Variants in AGAP1 observed in about 807,000 individuals in gnomAD.
AGAP1 encodes arf-GAP with GTPase, ANK repeat and PH domain-containing protein 1.
A neutral mutation model predicts 105.3 loss-of-function variants in AGAP1; 29 were observed. The ratio of observed to expected loss-of-function variants is 0.28; its 90% CI spans 0.21 to 0.38. AGAP1 has a LOEUF of 0.38. Among genes scored for constraint, AGAP1 ranks in the 10% least tolerant of loss-of-function variants. AGAP1 has a pLI of 1.00. For missense variants in AGAP1, 998 were observed against 1,165.1 expected, an observed-to-expected ratio of 0.86 and a Z score of 2.09; for synonymous variants, 509 against 485.9, an observed-to-expected ratio of 1.05 and a Z score of -0.63.
chr2:236,054,660 G>A (rs547623442), intron 16 of AGAP1, among the ~76,000 whole-genome samples: 53 of 152,192 alleles, frequency 3.5e-4, no homozygotes, highest in African/African-American at 1.2e-3. Context: ...ACAAGCTACC[G>A]GCAGTGTCCA....
At chr2:235,819,751 G>A (rs569170927) in intron 9 of AGAP1, among the ~76,000 whole-genome samples, 6 of 152,014 alleles carry the variant, frequency 3.9e-5, no homozygotes, top group African/African-American at 9.6e-5. Context: ...CCTTTCCCAC[G>A]TGTTTCCGGA....
At position 235,612,044 on chromosome 2, in the gene AGAP1, C is replaced by T. The variant is rs145479495; in HGVS notation, c.164-97135C>T. Among the ~76,000 whole-genome samples the T allele has an allele frequency of 4.7e-4, 71 of 152,268 alleles. No homozygotes were observed. Among genetic ancestry groups the T allele is most frequent in the South Asian group, 3.1e-3 (15 of 4,828 alleles). On this transcript the variant is annotated intron_variant, in intron 1 of 17. Transcript: ENST00000304032. The surrounding 1 kb of genome is among the most constrained non-coding windows in gnomAD (Gnocchi z 4.3). Reference sequence around the variant, plus strand: ...ATAATTATGTAAAATCATTCCTGTCCGCAGCCTAGAGTCTCACTGGAGAAC... The same window carrying T: ...ATAATTATGTAAAATCATTCCTGTCTGCAGCCTAGAGTCTCACTGGAGAAC...
At position 235,665,656 on chromosome 2, in the gene AGAP1, G is replaced by A. The variant is rs1264372425; in HGVS notation, c.164-43523G>A. The stretch of plus-strand genomic sequence containing the variant: ...TCTTGGTAATTGCTTCTTCTTACAT[G>A]TATCTGTCAGTCAACTGGCTACCAG... On this transcript the variant is annotated intron_variant, in intron 1 of 17. Transcript: ENST00000304032. This position sits in a 1 kb window ranked among gnomAD's most constrained non-coding sequence, Gnocchi z 5.3. 2.6e-5 allele frequency among the ~76,000 whole-genome samples: 4 copies of A among 152,066 alleles called. No homozygotes were observed. The highest frequency in any genetic ancestry group is 6.6e-5 in the Admixed American group (1 of 15,254).
At chr2:235,502,105 G>A (rs886582703) in intron 1 of AGAP1, among the ~76,000 whole-genome samples, 1 of 152,206 alleles carries the variant, frequency 6.6e-6, no homozygotes, top group South Asian at 2.1e-4. Flanking sequence ...CATAGTGTGG[G>A]CTGTCTTTCC....
rs1950467329 is a variant in AGAP1 at position 235,705,004 on chromosome 2, A to T, written c.164-4175A>T. 1.8e-5 allele frequency among the ~76,000 whole-genome samples: 2 copies of T among 108,670 alleles called. No homozygotes were observed. Among genetic ancestry groups the T allele is most frequent in the African/African-American group, 3.6e-5 (1 of 27,686 alleles). The allele number at this position is 108,670 out of a possible 152,430, so 71.3% of individuals were successfully genotyped here. A position where few individuals can be genotyped will look rare whatever the true frequency, so the allele number is the denominator to read the frequency against. The stretch of plus-strand genomic sequence containing the variant: ...TTTTTTTTTTTTTTTTTTGCGACAG[A>T]GTCTCACTCTGTTGCCCAGGCTGGA... On this transcript the variant is annotated intron_variant, in intron 1 of 17. Coordinates refer to ENST00000304032, the MANE Select transcript of AGAP1 (RefSeq NM_001037131.3). This position sits in a 1 kb window ranked among gnomAD's most constrained non-coding sequence, Gnocchi z 4.9.
Position 235,556,984 on chromosome 2 carries a change from C to T in AGAP1, c.163+62135C>T, listed in dbSNP as rs764085467. 6.6e-6 allele frequency among the ~76,000 whole-genome samples: 1 copy of T among 152,208 alleles called. No homozygotes were observed. Among genetic ancestry groups the T allele is most frequent in the Non-Finnish European group, 1.5e-5 (1 of 68,044 alleles). On this transcript the variant is annotated intron_variant, in intron 1 of 17. Coordinates refer to ENST00000304032, the MANE Select transcript of AGAP1 (RefSeq NM_001037131.3). This position sits in a 1 kb window ranked among gnomAD's most constrained non-coding sequence, Gnocchi z 5.3. ...AGGATATAGCGTTTAGTGCACACCT[C>T]TTTTGTGCAACTCAGGGCTTTCTGG...
chr2:235,586,075 G>A lies in AGAP1; in HGVS notation c.163+91226G>A, dbSNP rs928794245. ...AAGGGGATTTAGGAGCTTCATGAGC[G>A]AGTCAAATGCAAGTTGGGGAAGTGG... is the stretch of plus-strand genomic sequence containing the variant. On this transcript the variant is annotated intron_variant, in intron 1 of 17. Transcript: ENST00000304032. This position sits in a 1 kb window ranked among gnomAD's most constrained non-coding sequence, Gnocchi z 4.2. 3.9e-5 allele frequency among the ~76,000 whole-genome samples: 6 copies of A among 152,124 alleles called. No individual in the cohort carries two copies. The highest frequency in any genetic ancestry group is 1.4e-4 in the African/African-American group (6 of 41,428).
rs565526964 is a variant in AGAP1 at position 235,739,194 on chromosome 2, T to C, written c.311-1769T>C. Among the ~76,000 whole-genome samples the C allele has an allele frequency of 2.2e-4, 33 of 152,278 alleles. No individual in the cohort carries two copies. In the South Asian group the frequency reaches 6.9e-3, roughly 32 times the overall value. Reference sequence around the variant, plus strand: ...GGTGGGGCAAGACTACACAGCTGTATGTGGCAGAGCCAGGGTTCAGGCAGA... The same window carrying C: ...GGTGGGGCAAGACTACACAGCTGTACGTGGCAGAGCCAGGGTTCAGGCAGA... On this transcript the variant is annotated intron_variant, in intron 3 of 17. Transcript: ENST00000304032. The surrounding 1 kb of genome is among the most constrained non-coding windows in gnomAD (Gnocchi z 5.3).
chr2:235,852,808 T>C, intron 9 of AGAP1: 1 of 1,522,044 alleles, frequency 6.6e-7, no homozygotes, highest in Non-Finnish European at 8.8e-7. Context: ...CGCATTGTGC[T>C]GAAGGCCCAC....
At chr2:236,099,854 A>C (rs2059302573) in intron 16 of AGAP1, among the ~76,000 whole-genome samples, 1 of 152,098 alleles carries the variant, frequency 6.6e-6, no homozygotes, top group Non-Finnish European at 1.5e-5. Context: ...AGCTTAACCA[A>C]TATGGTGAAA....
chr2:235,843,306 C>T lies in AGAP1; in HGVS notation c.1050+35975C>T, dbSNP rs1961081074. 6.6e-6 allele frequency among the ~76,000 whole-genome samples: 1 copy of T among 152,134 alleles called. No individual in the cohort carries two copies. Among genetic ancestry groups the T allele is most frequent in the African/African-American group, 2.4e-5 (1 of 41,426 alleles). ...ACTGCTTGCTGCCTCCCCTTTCTCA[C>T]CCACACAATTCTTTCCTTCCCTCCC... is the stretch of plus-strand genomic sequence containing the variant. On this transcript the variant is annotated intron_variant, in intron 9 of 17. Coordinates refer to ENST00000304032, the MANE Select transcript of AGAP1 (RefSeq NM_001037131.3). This position sits in a 1 kb window ranked among gnomAD's most constrained non-coding sequence, Gnocchi z 5.9.
chr2:235,937,513 G>A (rs1478219131), intron 12 of AGAP1, among the ~76,000 whole-genome samples: 1 of 152,152 alleles, frequency 6.6e-6, no homozygotes, highest in Non-Finnish European at 1.5e-5. Context: ...ACCGAACAGG[G>A]GCAGCACATT....
At chr2:235,892,114 A>C (rs2050574538) in intron 10 of AGAP1, among the ~76,000 whole-genome samples, 1 of 151,878 alleles carries the variant, frequency 6.6e-6, no homozygotes, top group Non-Finnish European at 1.5e-5. Context: ...ACGTGGTGCC[A>C]CTGCACTCCA....
At chr2:235,765,292 G>A (rs1234382068) in intron 6 of AGAP1, among the ~76,000 whole-genome samples, 15 of 148,900 alleles carry the variant, frequency 1.0e-4, no homozygotes, top group African/African-American at 3.5e-4. Flanking sequence ...ATCTGGGAGC[G>A]TCTGTGGGGT....
chr2:236,094,359 A>ATT (rs200607758), intron 16 of AGAP1, among the ~76,000 whole-genome samples: 5 of 142,496 alleles, frequency 3.5e-5, no homozygotes, highest in African/African-American at 1.0e-4. Flanking sequence ...AGAGCTGAGA[A>ATT]TTTTTTTTTT....
intron 1 of AGAP1, among the ~76,000 whole-genome samples, chr2:235,568,525 G>A (rs928420912): frequency 2.6e-5 from 4 of 152,192 alleles, no homozygotes; most frequent in Admixed American, 2.6e-4. Flanking sequence ...ACATGGACTC[G>A]TGGCAGAACC....
Position 235,631,354 on chromosome 2 carries a change from A to G in AGAP1, c.164-77825A>G, listed in dbSNP as rs1277915256. The stretch of plus-strand genomic sequence containing the variant: ...CGCAAGGAAGGACGATGGATTAGCC[A>G]ACCATGACCGGCCAGGCTGTGCGAG... On this transcript the variant is annotated intron_variant, in intron 1 of 17. Coordinates refer to ENST00000304032, the MANE Select transcript of AGAP1 (RefSeq NM_001037131.3). The surrounding 1 kb of genome is among the most constrained non-coding windows in gnomAD (Gnocchi z 5.4). Among the ~76,000 whole-genome samples, 1 of 152,200 alleles carries G rather than the reference A, an allele frequency of 6.6e-6. No individual in the cohort carries two copies.
chr2:235,530,994 C>T (rs921110420), intron 1 of AGAP1, among the ~76,000 whole-genome samples: 2 of 152,194 alleles, frequency 1.3e-5, no homozygotes, highest in African/African-American at 4.8e-5. Flanking sequence ...CTGGCCAACC[C>T]AAAGGCTCTT....
At chr2:235,518,773 G>A (rs898635905) in intron 1 of AGAP1, among the ~76,000 whole-genome samples, 4 of 152,206 alleles carry the variant, frequency 2.6e-5, no homozygotes, top group Non-Finnish European at 4.4e-5. Flanking sequence ...TATCTCATAA[G>A]CCAGAGGGAT....
Sources: allele counts gnomAD v4.1 joint callset (sites outside exome capture counted in the v4.1 genomes callset), GRCh38; gene constraint gnomAD v4.1.1; non-coding constraint Gnocchi (gnomAD v3.1); transcripts MANE v1.5; gene names NCBI Gene and HGNC (gene_info 2026-07-23, HGNC 2026-07-21).